The following WWOX variants were observed in gnomAD, a reference collection of about 807,000 sequenced individuals.
WWOX encodes the protein WW domain-containing oxidoreductase.
A neutral mutation model predicts 46.2 loss-of-function variants in WWOX; 69 were observed. The observed-to-expected ratio is 1.49, with a 90% CI of 1.23 to 1.82. WWOX has a LOEUF of 1.82. WWOX is among the 40% of genes most tolerant of loss of function. The pLI, the probability that WWOX is intolerant of heterozygous loss-of-function variation, is 0.00. For synonymous variants in WWOX, 359 were observed against 202.6 expected (o/e 1.77, Z -6.56); for missense variants, 919 against 542.6 (o/e 1.69, Z -6.89).
intron 8 of WWOX, among the ~76,000 whole-genome samples, chr16:78,640,705 G>A (rs962890316): frequency 1.3e-5 from 2 of 152,094 alleles, no homozygotes; most frequent in Non-Finnish European, 2.9e-5. Context: ...TTGGGAGGTC[G>A]AGGCAGGCAG....
At chr16:78,351,367 G>A (rs1306280318) in intron 5 of WWOX, among the ~76,000 whole-genome samples, 1 of 152,182 alleles carries the variant, frequency 6.6e-6, no homozygotes, top group Non-Finnish European at 1.5e-5. Flanking sequence ...CAGCAGTTGT[G>A]TCAGGTAGAA....
chr16:78,770,661 TC>T (rs143000276), intron 8 of WWOX, among the ~76,000 whole-genome samples: 1 of 74,710 alleles, frequency 1.3e-5, no homozygotes, highest in Admixed American at 1.4e-4. Flanking sequence ...TCCCGCCCCC[TC>T]CCCCCCTCCC....
At chr16:78,543,968 A>G (rs2043961742) in intron 8 of WWOX, among the ~76,000 whole-genome samples, 1 of 152,170 alleles carries the variant, frequency 6.6e-6, no homozygotes. Context: ...TATGATTAGA[A>G]TACTGTGATT....
At chr16:78,952,091 C>G (rs984337009) in intron 8 of WWOX, among the ~76,000 whole-genome samples, 5 of 152,102 alleles carry the variant, frequency 3.3e-5, no homozygotes, top group African/African-American at 4.8e-5. Context: ...GACCCAGTGA[C>G]CTAGCCCCCG....
chr16:79,057,171 G>C (rs1436816420), intron 8 of WWOX, among the ~76,000 whole-genome samples: 1 of 152,166 alleles, frequency 6.6e-6, no homozygotes, highest in Non-Finnish European at 1.5e-5. Flanking sequence ...AGGGTAGTGT[G>C]AAGTGGCGTT....
intron 4 of WWOX, among the ~76,000 whole-genome samples, chr16:78,132,904 C>T (rs2033652896): frequency 6.6e-6 from 1 of 152,164 alleles, no homozygotes; most frequent in Admixed American, 6.5e-5. Context: ...AATGGGGTGG[C>T]AGCTGCAAAG....
At chr16:78,285,198 C>T (rs1028729573) in intron 5 of WWOX, among the ~76,000 whole-genome samples, 18 of 151,958 alleles carry the variant, frequency 1.2e-4, no homozygotes, top group African/African-American at 4.3e-4. Context: ...CTTTGGGAGG[C>T]GAGGTGGGAG....
chr16:79,211,369 T>C (rs1434521654), intron 8 of WWOX, among the ~76,000 whole-genome samples: 1 of 152,210 alleles, frequency 6.6e-6, no homozygotes, highest in African/African-American at 2.4e-5. Flanking sequence ...TGTCCCTGTA[T>C]GAGGTGTCAA....
At chr16:78,492,347 C>G (rs981142340) in intron 8 of WWOX, among the ~76,000 whole-genome samples, 1 of 152,188 alleles carries the variant, frequency 6.6e-6, no homozygotes. Flanking sequence ...TAAGTTGACC[C>G]ATGACATCGT....
intron 8 of WWOX, among the ~76,000 whole-genome samples, chr16:79,184,640 A>G (rs1390218092): frequency 1.3e-5 from 2 of 152,216 alleles, no homozygotes; most frequent in Admixed American, 6.5e-5. Context: ...TCAATATGGC[A>G]TCCAGCCTTG....
At chr16:78,582,883 T>G (rs1489818678) in intron 8 of WWOX, among the ~76,000 whole-genome samples, 1 of 152,146 alleles carries the variant, frequency 6.6e-6, no homozygotes, top group Non-Finnish European at 1.5e-5. Flanking sequence ...GAACCTCCTA[T>G]GGGAACCAGA....
intron 5 of WWOX, among the ~76,000 whole-genome samples, chr16:78,239,612 G>A (rs925758717): frequency 6.6e-6 from 1 of 152,074 alleles, no homozygotes; most frequent in Non-Finnish European, 1.5e-5. Context: ...TTGGCTCACT[G>A]CAACCTCCGC....
At chr16:79,019,216 C>T (rs1460982911) in intron 8 of WWOX, among the ~76,000 whole-genome samples, 1 of 123,894 alleles carries the variant, frequency 8.1e-6, no homozygotes, top group Non-Finnish European at 1.7e-5. Flanking sequence ...ACATCAGACT[C>T]AAAATGTGTC....
intron 8 of WWOX, among the ~76,000 whole-genome samples, chr16:78,910,747 G>T (rs546417593): frequency 1.3e-5 from 2 of 151,786 alleles, no homozygotes; most frequent in Non-Finnish European, 2.9e-5. Context: ...ATCAGATCTC[G>T]TGGGACTTAC....
In WWOX at chr16:78,715,645, T is replaced by G. The variant is rs528773886; in HGVS notation, c.1056+282893T>G. On this transcript the variant is annotated intron_variant, in intron 8 of 8. Transcript: ENST00000566780. ...CAGGCACATGCCACCACACCCAGCT[T>G]TTTGTATTTTTAATAGAGACAGGAT... Among the ~76,000 whole-genome samples, 15 of 152,004 alleles carry G rather than the reference T, an allele frequency of 9.9e-5. No individual in the cohort carries two copies. In the East Asian group the frequency reaches 2.7e-3, roughly 28 times the overall value.
At chr16:78,793,949 G>C (rs993025518) in intron 8 of WWOX, among the ~76,000 whole-genome samples, 2 of 152,034 alleles carry the variant, frequency 1.3e-5, no homozygotes, top group African/African-American at 2.4e-5. Context: ...AGAGGATGTA[G>C]GGCAGGTAGG....
intron 8 of WWOX, among the ~76,000 whole-genome samples, chr16:78,967,035 A>T (rs946420208): frequency 1.3e-5 from 2 of 152,166 alleles, no homozygotes; most frequent in Admixed American, 6.5e-5. Flanking sequence ...AGACTATTCA[A>T]ATGCTTCCTT....
At chr16:78,589,141 G>A (rs902138412) in intron 8 of WWOX, among the ~76,000 whole-genome samples, 4 of 152,196 alleles carry the variant, frequency 2.6e-5, no homozygotes, top group Admixed American at 6.5e-5. Context: ...GCAGGGTTGA[G>A]TCTAGTATTT....
intron 8 of WWOX, among the ~76,000 whole-genome samples, chr16:78,547,152 A>AG (rs2044058531): frequency 1.7e-5 from 2 of 119,946 alleles, no homozygotes; most frequent in Admixed American, 9.7e-5. Flanking sequence ...AAAAAAAAAA[A>AG]AAAAAAACAA....
Sources: allele counts gnomAD v4.1 joint callset (sites outside exome capture counted in the v4.1 genomes callset), GRCh38; gene constraint gnomAD v4.1.1; transcripts MANE v1.5; gene names NCBI Gene and HGNC (gene_info 2026-07-23, HGNC 2026-07-21).